Variants in CALN1 observed in about 807,000 individuals in gnomAD.
CALN1 encodes the protein calcium-binding protein 8.
CALN1 carries 17 observed loss-of-function variants against 30.6 expected under a neutral mutation model. That is an observed-to-expected ratio of 0.56 (90% CI 0.38 to 0.83). The LOEUF is 0.83. Ranked by LOEUF, CALN1 falls within the 40% of genes least tolerant of loss-of-function variation. CALN1 has a pLI of 0.00. For missense variants in CALN1, 291 were observed against 354.9 expected (o/e 0.82, Z 1.45); for synonymous variants, 156 against 131.4 (o/e 1.19, Z -1.28).
chr7:71,985,113 G>A (rs2129527422), intron 5 of CALN1, among the ~76,000 whole-genome samples: 1 of 151,820 alleles, frequency 6.6e-6, no homozygotes, highest in South Asian at 2.1e-4. Flanking sequence ...CCACCAAATT[G>A]AAAAACCTGG....
At chr7:72,487,880 G>GAAAGAAAGA in the CALN1 span, among the ~76,000 whole-genome samples, 6 of 58,596 alleles carry the variant, frequency 1.0e-4, no homozygotes, top group Non-Finnish European at 1.5e-4. Flanking sequence ...AAGAAAGAAA[G>GAAAGAAAGA]AAAGAAAAGA....
rs927166661 is a variant in CALN1, at chr7:72,280,937, G to A, written c.120-2127C>T. ...GCAGGTGGATCACCTGAGGTCAGGA[G>A]TTCGAGACCAGCCTGGCCAACATGG... On this transcript the variant is annotated intron_variant, in intron 2 of 6. Transcript: ENST00000395275. 3.3e-5 allele frequency among the ~76,000 whole-genome samples: 5 copies of A among 152,246 alleles called. No individual in the cohort carries two copies. In the East Asian group the frequency reaches 9.6e-4, roughly 29 times the overall value.
At chr7:71,834,217 C>CAAAAA (rs11313802) in intron 5 of CALN1, among the ~76,000 whole-genome samples, 3 of 48,310 alleles carry the variant, frequency 6.2e-5, no homozygotes, top group Admixed American at 3.0e-4. Flanking sequence ...GACTCCATCT[C>CAAAAA]AAAAAAAAAA....
intron 3 of CALN1, among the ~76,000 whole-genome samples, chr7:72,180,261 C>T (rs189958960): frequency 6.6e-6 from 1 of 152,258 alleles, no homozygotes; most frequent in African/African-American, 2.4e-5. Context: ...ATATGGGATG[C>T]TGTGAGCTTC....
intron 5 of CALN1, among the ~76,000 whole-genome samples, chr7:71,891,686 G>A (rs1464056104): frequency 6.6e-6 from 1 of 152,202 alleles, no homozygotes; most frequent in Non-Finnish European, 1.5e-5. Context: ...GCTCACGCCT[G>A]TAATCCCAGC....
intron 2 of CALN1, among the ~76,000 whole-genome samples, chr7:72,399,011 G>A (rs1273825938): frequency 6.6e-6 from 1 of 152,106 alleles, no homozygotes; most frequent in East Asian, 1.9e-4. Context: ...AAAGGTCAGG[G>A]CTTCCTTGCT....
chr7:72,265,253 A>G (rs1331341294), intron 3 of CALN1, among the ~76,000 whole-genome samples: 1 of 152,204 alleles, frequency 6.6e-6, no homozygotes. Context: ...TGTATTTTAA[A>G]TGGGTGTGTC....
chr7:72,272,255 A>AT (rs1797044930), intron 3 of CALN1, among the ~76,000 whole-genome samples: 1 of 152,080 alleles, frequency 6.6e-6, no homozygotes, highest in Non-Finnish European at 1.5e-5. Context: ...ACAGAAGAGT[A>AT]TATCAGTATA....
chr7:72,466,614 G>C, the CALN1 span, among the ~76,000 whole-genome samples: 1 of 151,952 alleles, frequency 6.6e-6, no homozygotes, highest in Non-Finnish European at 1.5e-5. Context: ...GTGGTGGTGG[G>C]CACTTGTAAT....
intron 5 of CALN1, among the ~76,000 whole-genome samples, chr7:71,921,128 C>G (rs1159237839): frequency 6.6e-6 from 1 of 152,188 alleles, no homozygotes; most frequent in African/African-American, 2.4e-5. Flanking sequence ...ACCACATACT[C>G]TCACTCATAA....
intron 2 of CALN1, among the ~76,000 whole-genome samples, chr7:72,312,105 T>G (rs1314266282): frequency 6.6e-6 from 1 of 152,070 alleles, no homozygotes; most frequent in African/African-American, 2.4e-5. Context: ...CATTCTGGTT[T>G]CAACAAGTCA....
At chr7:72,041,427 A>C (rs1036131269) in intron 4 of CALN1, among the ~76,000 whole-genome samples, 7 of 151,940 alleles carry the variant, frequency 4.6e-5, no homozygotes, top group African/African-American at 1.7e-4. Flanking sequence ...TCTGTTGCCC[A>C]GGCTAGAGTG....
intron 2 of CALN1, among the ~76,000 whole-genome samples, chr7:72,370,301 CTCA>C (rs1473116166): frequency 8.5e-5 from 13 of 152,092 alleles, no homozygotes; most frequent in African/African-American, 3.1e-4. Flanking sequence ...TTATCTTGTG[CTCA>C]TGTCTTTTAC....
intron 5 of CALN1, among the ~76,000 whole-genome samples, chr7:71,828,753 TTG>T (rs1276488626): frequency 6.7e-6 from 1 of 149,520 alleles, no homozygotes; most frequent in Non-Finnish European, 1.5e-5. Context: ...ATTTGGGGTT[TTG>T]TGTGTTTTTT....
At chr7:71,952,460 C>G (rs561936162) in intron 5 of CALN1, among the ~76,000 whole-genome samples, 1 of 152,336 alleles carries the variant, frequency 6.6e-6, no homozygotes, top group Admixed American at 6.5e-5. Context: ...AAGGACTCGG[C>G]TCTGGGTGAG....
At chr7:71,925,284 C>CAAGAA (rs71092934) in intron 5 of CALN1, among the ~76,000 whole-genome samples, 24,125 of 151,154 alleles carry the variant, frequency 0.16, 1,945 homozygotes, top group Middle Eastern at 0.27. Flanking sequence ...AGCAAGCAAG[C>CAAGAA]AAGAAAAGAA....
upstream of CALN1, among the ~76,000 whole-genome samples, chr7:72,447,745 C>G (rs1481343654): frequency 6.7e-6 from 1 of 148,910 alleles, no homozygotes; most frequent in Non-Finnish European, 1.5e-5. Flanking sequence ...ACAAACATGC[C>G]TACCCATACA....
At chr7:72,162,269 A>C (rs1391654637) in intron 3 of CALN1, among the ~76,000 whole-genome samples, 3 of 152,148 alleles carry the variant, frequency 2.0e-5, no homozygotes, top group Non-Finnish European at 4.4e-5. Flanking sequence ...TTGTTGGCAG[A>C]AAGTATTGGT....
intron 3 of CALN1, among the ~76,000 whole-genome samples, chr7:72,247,609 A>G (rs1279954980): frequency 4.6e-5 from 7 of 152,160 alleles, no homozygotes; most frequent in African/African-American, 1.7e-4. Context: ...CCCACTTTAC[A>G]GAAGTGGTAA....
Sources: allele counts gnomAD v4.1 joint callset (sites outside exome capture counted in the v4.1 genomes callset), GRCh38; gene constraint gnomAD v4.1.1; transcripts MANE v1.5; gene names NCBI Gene and HGNC (gene_info 2026-07-23, HGNC 2026-07-21).